Variants in HTT observed in about 807,000 individuals in gnomAD.
HTT encodes huntington disease protein.
A neutral mutation model predicts 362.3 loss-of-function variants in HTT; 104 were observed. That is an observed-to-expected ratio of 0.29 (90% CI 0.24 to 0.34). HTT has a LOEUF of 0.34. Among genes scored for constraint, HTT ranks in the 10% least tolerant of loss-of-function variants. HTT has a pLI of 1.00. For synonymous variants in HTT, 1,577 were observed against 1,548.7 expected, an observed-to-expected ratio of 1.02 and a Z score of -0.43; for missense variants, 3,301 against 3,928.6, an observed-to-expected ratio of 0.84 and a Z score of 4.27.
rs1011841436 is a variant in HTT at position 3,218,872 on chromosome 4, G to T, written c.7242+920G>T. On this transcript the variant is annotated intron_variant, in intron 52 of 66. Coordinates refer to ENST00000355072, the MANE Select transcript of HTT (RefSeq NM_001388492.1). The surrounding 1 kb of genome is among the most constrained non-coding windows in gnomAD (Gnocchi z 4.4). ...TGTGAGCCAGCAGGTGTAGGTCAGG[G>T]AGAATGGAGCCAGGTCCCAGGGAAG... 6.6e-6 allele frequency among the ~76,000 whole-genome samples: 1 copy of T among 152,210 alleles called. No individual in the cohort carries two copies. The highest frequency in any genetic ancestry group is 1.5e-5 in the Non-Finnish European group (1 of 68,038).
chr4:3,121,421 T>C lies in HTT; in HGVS notation c.1262T>C (p.Val421Ala), dbSNP rs1715290651. Residue 421 changes from valine to alanine, a missense_variant, in exon 9 of 67, where the codon GTG becomes GCG. Val to Ala is a moderately conservative substitution (Grantham distance 64). Transcript: ENST00000355072. ...SGGRSRSGSI[V>A]ELIAGGGSSC... Reference sequence around the variant, plus strand: ...GGCCGAAGCCGTAGTGGGAGTATTGTGGAACTTATAGGCAAGTTATTAGCA... The same window carrying C: ...GGCCGAAGCCGTAGTGGGAGTATTGCGGAACTTATAGGCAAGTTATTAGCA... The C allele has an allele frequency of 6.2e-7, 1 of 1,612,916 alleles. No individual in the cohort carries two copies. The highest frequency in any genetic ancestry group is 8.5e-7 in the Non-Finnish European group (1 of 1,178,942).
At chr4:3,159,599 C>T (rs1305858160) in intron 28 of HTT, among the ~76,000 whole-genome samples, 1 of 152,232 alleles carries the variant, frequency 6.6e-6, no homozygotes, top group Non-Finnish European at 1.5e-5. Flanking sequence ...CTGTCTCTTG[C>T]CTGCTTCTGA....
intron 28 of HTT, among the ~76,000 whole-genome samples, chr4:3,158,016 A>C (rs1417572810): frequency 6.7e-6 from 1 of 149,478 alleles, no homozygotes; most frequent in Admixed American, 6.6e-5. Flanking sequence ...TTTTTTAGAC[A>C]GAGTCTTGCT....
At chr4:3,147,024 A>G in intron 25 of HTT, 76 bp downstream of exon 25, 1 of 1,390,970 alleles carries the variant, frequency 7.2e-7, no homozygotes, top group South Asian at 1.2e-5. Flanking sequence ...GGTGGTGAGC[A>G]TATGAGGGGA....
At chr4:3,137,808 T>A (rs896108981) in intron 21 of HTT, among the ~76,000 whole-genome samples, 7 of 152,252 alleles carry the variant, frequency 4.6e-5, no homozygotes, top group Non-Finnish European at 1.0e-4. Flanking sequence ...GTTCTTGTTG[T>A]AGCATGTATC....
At position 3,235,723 on chromosome 4, in the gene HTT, C is replaced by G; in HGVS notation, c.8730C>G (p.His2910Gln). Residue 2910 changes from histidine to glutamine, a missense_variant, in exon 63 of 67, where the codon CAC becomes CAG. By Grantham distance (24) the His-to-Gln change is conservative. Coordinates refer to ENST00000355072, the MANE Select transcript of HTT (RefSeq NM_001388492.1). ...VKLSVDRVNV[H>Q]SPHRAMAALG... ...TGAGTGTGGACAGAGTGAACGTGCACAGCCCGCACCGGGCCATGGCGGCTC... is the reference window on the plus strand; with the variant it reads ...TGAGTGTGGACAGAGTGAACGTGCAGAGCCCGCACCGGGCCATGGCGGCTC... 1 of 1,612,608 alleles carries G rather than the reference C, an allele frequency of 6.2e-7. No individual in the cohort carries two copies. The highest frequency in any genetic ancestry group is 8.5e-7 in the Non-Finnish European group (1 of 1,180,018).
chr4:3,142,217 C>A (rs969546913), intron 22 of HTT, among the ~76,000 whole-genome samples: 1 of 152,148 alleles, frequency 6.6e-6, no homozygotes, highest in Non-Finnish European at 1.5e-5. Context: ...ATCATAATCT[C>A]CTTAGTTTTG....
chr4:3,134,076 G>A (rs1212072556), intron 18 of HTT, among the ~76,000 whole-genome samples: 1 of 152,146 alleles, frequency 6.6e-6, no homozygotes, highest in Non-Finnish European at 1.5e-5. Context: ...TTTAGAAGTG[G>A]TGTTGGGGCT....
At chr4:3,235,901 G>C (rs1209508923) in intron 63 of HTT, 123 bp downstream of exon 63, 17 of 830,806 alleles carry the variant, frequency 2.0e-5, no homozygotes, top group Middle Eastern at 3.4e-4. Context: ...GTTGCCCCAA[G>C]CCGGCCCCAT....
chr4:3,082,929 G>C (rs1712995006), intron 1 of HTT, among the ~76,000 whole-genome samples: 1 of 152,182 alleles, frequency 6.6e-6, no homozygotes, highest in Admixed American at 6.5e-5. Context: ...AACCGAATGA[G>C]GGGAGAGACA....
intron 1 of HTT, among the ~76,000 whole-genome samples, chr4:3,078,326 G>T (rs927775728): frequency 1.3e-5 from 2 of 152,204 alleles, no homozygotes; most frequent in African/African-American, 4.8e-5. Context: ...CCCTCGTGAA[G>T]CTTTCATTCT....
intron 28 of HTT, among the ~76,000 whole-genome samples, chr4:3,157,623 C>G (rs1052608108): frequency 1.3e-5 from 2 of 152,166 alleles, no homozygotes; most frequent in African/African-American, 2.4e-5. Context: ...TCGGCATAAA[C>G]CATGTGTTTC....
intron 2 of HTT, among the ~76,000 whole-genome samples, chr4:3,096,394 C>T (rs569140222): frequency 7.9e-5 from 12 of 152,328 alleles, no homozygotes; most frequent in Non-Finnish European, 1.3e-4. Flanking sequence ...ACAGGACACT[C>T]CACCCAGCAC....
rs1407512149 is a variant in HTT, at chr4:3,217,850, G to A, written c.7140G>A (p.Arg2380=). Residue 2380 remains arginine (R), a synonymous_variant, in exon 52 of 67, where the codon AGG becomes AGA. Coordinates refer to ENST00000355072, the MANE Select transcript of HTT (RefSeq NM_001388492.1). ...CGGTGTTGGCCTTGGGTCATAAAAG[G>A]AATAGCGGCGTGCCGGCGTTTCTCA... The part of the protein sequence containing the change: ...LQSVLALGHK[R]NSGVPAFLTP... The A allele has an allele frequency of 1.9e-6, 3 of 1,614,210 alleles. No homozygotes were observed. Among genetic ancestry groups the A allele is most frequent in the Middle Eastern group, 1.6e-4 (1 of 6,062 alleles).
chr4:3,238,801 C>T lies in HTT; in HGVS notation c.9055-17C>T, dbSNP rs1721668497. The T allele has an allele frequency of 6.3e-7, 1 of 1,580,750 alleles. No individual in the cohort carries two copies. Among genetic ancestry groups the T allele is most frequent in the Non-Finnish European group, 8.6e-7 (1 of 1,160,684 alleles). ...CCCCCCAGCCCTGACACTCAGGCAC[C>T]TGCTTGCTCCTTGCAGGTGTTTCAG... On this transcript the variant is annotated splice_polypyrimidine_tract_variant and intron_variant, in intron 65 of 66. Transcript: ENST00000355072.
At chr4:3,119,895 T>G (rs551853427) in intron 8 of HTT, among the ~76,000 whole-genome samples, 39 of 152,284 alleles carry the variant, frequency 2.6e-4, no homozygotes, top group African/African-American at 8.2e-4. Context: ...AGATAGTAAA[T>G]ATTTTCAGTC....
In HTT at chr4:3,217,859, C is replaced by T. The variant is rs372758637; in HGVS notation, c.7149C>T (p.Gly2383=). The change falls in exon 52 of 67, where the codon GGC becomes GGT. Residue 2383 remains glycine (G), a synonymous_variant. Coordinates refer to ENST00000355072, the MANE Select transcript of HTT (RefSeq NM_001388492.1). ...CCTTGGGTCATAAAAGGAATAGCGG[C>T]GTGCCGGCGTTTCTCACGCCATTGC... ...VLALGHKRNS[G]VPAFLTPLLR... 4.9e-5 allele frequency: 79 copies of T among 1,614,040 alleles called. No individual in the cohort carries two copies. Among genetic ancestry groups the T allele is most frequent in the Non-Finnish European group, 6.4e-5 (75 of 1,179,988 alleles).
intron 50 of HTT, among the ~76,000 whole-genome samples, 177 bp from the exon 51 acceptor site, chr4:3,214,933 A>C (rs1720327314): frequency 6.6e-6 from 1 of 152,232 alleles, no homozygotes; most frequent in African/African-American, 2.4e-5. Context: ...ACCACTAACC[A>C]AGAGATTGGT....
At position 3,074,697 on chromosome 4, in the gene HTT, C is replaced by A; in HGVS notation, c.-129C>A. On this transcript the variant is annotated 5_prime_UTR_variant, in exon 1 of 67. Transcript: ENST00000355072. ...GCCGTGGGGGCTGCCGGGACGGGTCCAAGATGGACGGCCGCTCAGGTTCTG... is the reference window on the plus strand; with the variant it reads ...GCCGTGGGGGCTGCCGGGACGGGTCAAAGATGGACGGCCGCTCAGGTTCTG... 9.8e-7 allele frequency: 1 copy of A among 1,023,696 alleles called. No individual in the cohort carries two copies. The highest frequency in any genetic ancestry group is 1.3e-6 in the Non-Finnish European group (1 of 750,610). 63.4% of individuals were successfully genotyped at this position (1,023,696 alleles called of 1,614,324 possible).
Sources: allele counts gnomAD v4.1 joint callset (sites outside exome capture counted in the v4.1 genomes callset), GRCh38; gene constraint gnomAD v4.1.1; non-coding constraint Gnocchi (gnomAD v3.1); transcripts MANE v1.5; gene names NCBI Gene and HGNC (gene_info 2026-07-23, HGNC 2026-07-21).